The following VAV3 variants were observed in gnomAD, a reference collection of about 807,000 sequenced individuals.
VAV3 encodes the protein guanine nucleotide exchange factor VAV3.
Under a neutral mutation model 131.2 loss-of-function variants are expected in VAV3, and 94 were observed. That is an observed-to-expected ratio of 0.72 (90% CI 0.61 to 0.85). VAV3 has a LOEUF of 0.85. Ranked by LOEUF, VAV3 falls within the 40% of genes least tolerant of loss-of-function variation. The probability of loss-of-function intolerance (pLI) is 0.00; values close to 1 mark genes in which losing one functional copy is unlikely to be tolerated. For missense variants in VAV3, 939 were observed against 1,002.7 expected, an observed-to-expected ratio of 0.94 and a Z score of 0.86; for synonymous variants, 349 against 342.0, an observed-to-expected ratio of 1.02 and a Z score of -0.22.
At chr1:107,806,703 C>G (rs779711322) in intron 2 of VAV3, among the ~76,000 whole-genome samples, 3 of 152,188 alleles carry the variant, frequency 2.0e-5, no homozygotes, top group Non-Finnish European at 4.4e-5. Flanking sequence ...GTAGACCAAA[C>G]CTAACATAAC....
At chr1:107,901,075 A>G (rs75037455) in intron 1 of VAV3, among the ~76,000 whole-genome samples, 2,278 of 152,318 alleles carry the variant, frequency 0.015, 27 homozygotes, top group Middle Eastern at 0.044. Context: ...GTAAATATAA[A>G]TCGGACCACC....
chr1:107,767,058 T>C (rs1664772194), intron 7 of VAV3, among the ~76,000 whole-genome samples: 1 of 152,200 alleles, frequency 6.6e-6, no homozygotes, highest in South Asian at 2.1e-4. Flanking sequence ...CAGGATAAAA[T>C]AATGACTCAT....
intron 25 of VAV3, among the ~76,000 whole-genome samples, chr1:107,590,848 C>T (rs1273951269): frequency 2.0e-5 from 3 of 152,156 alleles, no homozygotes; most frequent in Non-Finnish European, 4.4e-5. Flanking sequence ...ATCCCTCTCA[C>T]GGACATCTGC....
intron 15 of VAV3, among the ~76,000 whole-genome samples, chr1:107,730,777 C>T (rs1037014099): frequency 2.6e-5 from 4 of 152,028 alleles, no homozygotes; most frequent in Non-Finnish European, 5.9e-5. Context: ...AATGAATATG[C>T]TACACAGGAA....
intron 2 of VAV3, among the ~76,000 whole-genome samples, chr1:107,846,529 T>C (rs1345468145): frequency 1.3e-5 from 2 of 152,176 alleles, no homozygotes; most frequent in African/African-American, 4.8e-5. Flanking sequence ...CCATCTCACA[T>C]GCAAAGACAC....
intron 20 of VAV3, among the ~76,000 whole-genome samples, chr1:107,631,319 A>G (rs1275565969): frequency 6.6e-6 from 1 of 152,080 alleles, no homozygotes; most frequent in Non-Finnish European, 1.5e-5. Flanking sequence ...GGCATAATAC[A>G]TGTTTAGCAG....
intron 21 of VAV3, among the ~76,000 whole-genome samples, chr1:107,615,874 G>T (rs564106695): frequency 6.6e-6 from 1 of 152,218 alleles, no homozygotes; most frequent in African/African-American, 2.4e-5. Flanking sequence ...AATCATTAAA[G>T]AAATACAAAT....
chr1:107,871,505 T>TA (rs35912633), intron 2 of VAV3, among the ~76,000 whole-genome samples: 28,477 of 148,932 alleles, frequency 0.19, 3,309 homozygotes, highest in Middle Eastern at 0.27. Flanking sequence ...CCTGTGTGAT[T>TA]AAAAAAAAAA....
chr1:107,736,563 TACAG>T (rs1429740047), intron 15 of VAV3, among the ~76,000 whole-genome samples: 6 of 150,616 alleles, frequency 4.0e-5, no homozygotes, highest in South Asian at 2.1e-4. Context: ...ATACACCAAT[TACAG>T]ACAGAGAGCC....
At chr1:107,603,215 A>C in intron 22 of VAV3, 52 bp from the exon 23 acceptor site, 1 of 1,324,348 alleles carries the variant, frequency 7.6e-7, no homozygotes, top group Non-Finnish European at 1.1e-6. Flanking sequence ...GGAAGAGAAC[A>C]GAGGCTAAAA....
At chr1:107,738,196 G>A (rs1662787381) in intron 15 of VAV3, among the ~76,000 whole-genome samples, 1 of 152,070 alleles carries the variant, frequency 6.6e-6, no homozygotes, top group Non-Finnish European at 1.5e-5. Flanking sequence ...CACACACTGG[G>A]GCCCATCTGG....
intron 1 of VAV3, among the ~76,000 whole-genome samples, chr1:107,908,247 G>A (rs1672195796): frequency 6.6e-6 from 1 of 152,228 alleles, no homozygotes; most frequent in South Asian, 2.1e-4. Context: ...GTGGCTGGTA[G>A]AAGTGGGGAT....
At chr1:107,901,239 T>C (rs1019075935) in intron 1 of VAV3, among the ~76,000 whole-genome samples, 1 of 152,204 alleles carries the variant, frequency 6.6e-6, no homozygotes, top group African/African-American at 2.4e-5. Context: ...CTGTGTCCCA[T>C]AACCTACTAG....
At chr1:107,626,202 C>A (rs1654004784) in intron 20 of VAV3, among the ~76,000 whole-genome samples, 1 of 152,162 alleles carries the variant, frequency 6.6e-6, no homozygotes, top group South Asian at 2.1e-4. Flanking sequence ...AGGAGGCCTG[C>A]CAATTCCCAT....
At chr1:107,624,380 G>C (rs1170165491) in intron 20 of VAV3, among the ~76,000 whole-genome samples, 4 of 37,698 alleles carry the variant, frequency 1.1e-4, no homozygotes, top group Non-Finnish European at 2.5e-4. Flanking sequence ...ATGACTGTGT[G>C]TGTGTGTGTG....
intron 1 of VAV3, among the ~76,000 whole-genome samples, chr1:107,882,487 C>T (rs886685558): frequency 3.3e-5 from 5 of 152,158 alleles, no homozygotes; most frequent in African/African-American, 1.2e-4. Context: ...TCCTTCTCTT[C>T]TCATCATAAC....
intron 7 of VAV3, 118 bp from the exon 8 acceptor site, chr1:107,766,668 T>A: frequency 1.4e-6 from 1 of 709,600 alleles, no homozygotes; most frequent in Non-Finnish European, 2.4e-6. Context: ...ATGCTCTCAA[T>A]ATATAAAACT....
intron 2 of VAV3, among the ~76,000 whole-genome samples, chr1:107,867,866 G>A (rs534117432): frequency 2.6e-5 from 4 of 152,298 alleles, no homozygotes; most frequent in East Asian, 1.9e-4. Context: ...GCTGAATGAG[G>A]AGGATGTGAC....
intron 1 of VAV3, among the ~76,000 whole-genome samples, chr1:107,944,783 T>C (rs1674168783): frequency 6.6e-6 from 1 of 152,074 alleles, no homozygotes; most frequent in Non-Finnish European, 1.5e-5. Flanking sequence ...TTTTTTGTAT[T>C]TTAGTAGAGA....
Sources: allele counts gnomAD v4.1 joint callset (sites outside exome capture counted in the v4.1 genomes callset), GRCh38; gene constraint gnomAD v4.1.1; transcripts MANE v1.5; gene names NCBI Gene and HGNC (gene_info 2026-07-23, HGNC 2026-07-21).